The following TMPRSS15 variants were observed in gnomAD, a reference collection of about 807,000 sequenced individuals.
The protein encoded by TMPRSS15 is transmembrane serine protease 15.
TMPRSS15 carries 128 observed loss-of-function variants against 125.3 expected under a neutral mutation model. That is an observed-to-expected ratio of 1.02 (90% CI 0.89 to 1.18). TMPRSS15 has a LOEUF of 1.18. Ranked by LOEUF, TMPRSS15 falls within the 50% of genes most tolerant of loss-of-function variation. The pLI is 0.00. For missense variants in TMPRSS15, 1,283 were observed against 1,212.7 expected, an observed-to-expected ratio of 1.06 and a Z score of -0.86; for synonymous variants, 446 against 423.2, an observed-to-expected ratio of 1.05 and a Z score of -0.66.
intron 1 of TMPRSS15, among the ~76,000 whole-genome samples, chr21:18,459,153 G>A (rs1474882421): frequency 6.6e-6 from 1 of 151,964 alleles, no homozygotes; most frequent in African/African-American, 2.4e-5. Flanking sequence ...CAGCATTATG[G>A]TTGCAATAAA....
Position 18,313,065 on chromosome 21 carries a change from T to C in TMPRSS15, c.2045A>G (p.Asn682Ser), listed in dbSNP as rs2075118413. ...SDEADCVRFF[N>S]GTTNNNGLVR... Reference sequence around the variant, plus strand: ...TAAACCATTGTTGTTCGTTGTGCCATTGAAAAAACGCACTAAAGACACAGA... The same window carrying C: ...TAAACCATTGTTGTTCGTTGTGCCACTGAAAAAACGCACTAAAGACACAGA... The change falls in exon 18 of 25, where the codon AAT (asparagine) becomes AGT (serine). Residue 682 changes from asparagine (N) to serine (S), a missense_variant. Transcript: ENST00000284885. The C allele has an allele frequency of 2.5e-6, 4 of 1,613,628 alleles. No individual in the cohort carries two copies. The highest frequency in any genetic ancestry group is 2.5e-6 in the Non-Finnish European group (3 of 1,179,764).
intron 1 of TMPRSS15, among the ~76,000 whole-genome samples, chr21:18,430,483 CT>C (rs1469641258): frequency 6.6e-6 from 1 of 152,014 alleles, no homozygotes; most frequent in African/African-American, 2.4e-5. Flanking sequence ...CATTCTTTAT[CT>C]TGGTGGTGGT....
chr21:18,292,597 T>C (rs997088), intron 21 of TMPRSS15, among the ~76,000 whole-genome samples: 124,147 of 152,182 alleles, frequency 0.82, 50,761 homozygotes, highest in Non-Finnish European at 0.83. Context: ...GCCTGATTGA[T>C]GTTTAGACAG....
intron 1 of TMPRSS15, among the ~76,000 whole-genome samples, chr21:18,463,314 T>C (rs2122953828): frequency 1.6e-5 from 2 of 125,786 alleles, no homozygotes; most frequent in South Asian, 5.2e-4. Context: ...TAGTCTCTGA[T>C]AAAACAGATT....
intron 1 of TMPRSS15, among the ~76,000 whole-genome samples, chr21:18,403,085 T>G (rs1171097218): frequency 6.6e-6 from 1 of 152,220 alleles, no homozygotes; most frequent in African/African-American, 2.4e-5. Flanking sequence ...GTTTATCTAC[T>G]TACATATTCA....
At chr21:18,378,276 T>A (rs1222079772) in intron 5 of TMPRSS15, among the ~76,000 whole-genome samples, 3 of 152,152 alleles carry the variant, frequency 2.0e-5, no homozygotes, top group Non-Finnish European at 4.4e-5. Flanking sequence ...GTAAATAATT[T>A]TCCATGTTAG....
At chr21:18,406,686 G>A (rs969890171), upstream of TMPRSS15, among the ~76,000 whole-genome samples, 1 of 152,098 alleles carries the variant, frequency 6.6e-6, no homozygotes, top group Non-Finnish European at 1.5e-5. Context: ...GTCATTCATC[G>A]CTTGTCTGAG....
Position 18,275,156 on chromosome 21 carries a change from T to C in TMPRSS15, c.2904+41A>G, listed in dbSNP as rs1410711219. ...AGCAATGAAATAACTATAACACCAGTGCTTTCTGAAAAGGTACAGTGAGCA... is the reference window on the plus strand; with the variant it reads ...AGCAATGAAATAACTATAACACCAGCGCTTTCTGAAAAGGTACAGTGAGCA... On this transcript the variant is annotated intron_variant, in intron 24 of 24. Coordinates refer to ENST00000284885, the MANE Select transcript of TMPRSS15 (RefSeq NM_002772.3). The C allele has an allele frequency of 1.9e-6, 3 of 1,609,516 alleles. No homozygotes were observed. In the South Asian group the frequency reaches 3.3e-5, roughly 18 times the overall value.
At chr21:18,337,339 A>G (rs964655521) in intron 13 of TMPRSS15, among the ~76,000 whole-genome samples, 7 of 152,180 alleles carry the variant, frequency 4.6e-5, no homozygotes, top group Non-Finnish European at 7.4e-5. Context: ...CTTTTTAATT[A>G]GTTTTAAAAG....
Position 18,358,240 on chromosome 21 carries a change from T to C in TMPRSS15, c.880+1517A>G, listed in dbSNP as rs572565732. The stretch of plus-strand genomic sequence containing the variant: ...CTTATGCCTACCACTTATTCAGCCC[T>C]CAACCTCTACCAATTTAGATTTTAT... On this transcript the variant is annotated intron_variant, in intron 8 of 24. Transcript: ENST00000284885. Among the ~76,000 whole-genome samples the C allele has an allele frequency of 5.9e-3, 895 of 151,928 alleles. 13 individuals carry two copies. Among genetic ancestry groups the C allele is most frequent in the African/African-American group, 0.02 (838 of 41,522 alleles).
chr21:18,349,388 C>T (rs981842316), intron 10 of TMPRSS15, among the ~76,000 whole-genome samples: 29 of 152,144 alleles, frequency 1.9e-4, no homozygotes, highest in Non-Finnish European at 4.1e-4. Context: ...GAAGAGAGTT[C>T]TTCAGAAGGA....
intron 20 of TMPRSS15, 65 bp downstream of exon 20, chr21:18,294,538 A>G (rs999162209): frequency 6.3e-6 from 10 of 1,597,158 alleles, no homozygotes; most frequent in South Asian, 5.5e-5. Context: ...TTCAGGTGAC[A>G]TAAAACTCTA....
At chr21:18,358,694 T>C (rs1373181423) in intron 8 of TMPRSS15, among the ~76,000 whole-genome samples, 2 of 152,124 alleles carry the variant, frequency 1.3e-5, no homozygotes, top group East Asian at 3.9e-4. Context: ...CTTATGGTAA[T>C]TTAATATATT....
intron 10 of TMPRSS15, among the ~76,000 whole-genome samples, chr21:18,346,835 C>A (rs1447091711): frequency 6.6e-6 from 1 of 152,184 alleles, no homozygotes; most frequent in African/African-American, 2.4e-5. Context: ...ATCAAATTAG[C>A]CCCTTATTCA....
intron 1 of TMPRSS15, among the ~76,000 whole-genome samples, chr21:18,430,199 C>T (rs2076213602): frequency 6.6e-6 from 1 of 152,154 alleles, no homozygotes; most frequent in South Asian, 2.1e-4. Context: ...TGTATCAATG[C>T]TGGTGAATAA....
chr21:18,275,323 G>A lies in TMPRSS15; in HGVS notation c.2778C>T (p.Asn926=). The change falls in exon 24 of 25, where the codon AAC becomes AAT. Residue 926 remains asparagine, a synonymous_variant. Coordinates refer to ENST00000284885, the MANE Select transcript of TMPRSS15 (RefSeq NM_002772.3). ...GAGGAACATCAGCTTCTTGCAATAT[G>A]TTTGCAGTAGTACCTGCTCAAAATG... ...GTVVYQGTTA[N]ILQEADVPLL... 2 of 1,613,948 alleles carry A rather than the reference G, an allele frequency of 1.2e-6. No homozygotes were observed. The highest frequency in any genetic ancestry group is 1.7e-6 in the Non-Finnish European group (2 of 1,179,988).
At chr21:18,277,130 G>A (rs1241746507) in intron 23 of TMPRSS15, among the ~76,000 whole-genome samples, 1 of 152,074 alleles carries the variant, frequency 6.6e-6, no homozygotes, top group Non-Finnish European at 1.5e-5. Flanking sequence ...TAAACTACGT[G>A]AAACTTACCA....
At chr21:18,295,943 G>C (rs966625717) in intron 19 of TMPRSS15, among the ~76,000 whole-genome samples, 14 of 152,142 alleles carry the variant, frequency 9.2e-5, no homozygotes, top group African/African-American at 3.4e-4. Flanking sequence ...ACGAGGTCAG[G>C]AGATCGAGAC....
chr21:18,340,905 G>C (rs1029651083), intron 13 of TMPRSS15, among the ~76,000 whole-genome samples: 1 of 152,140 alleles, frequency 6.6e-6, no homozygotes, highest in Admixed American at 6.5e-5. Context: ...ATAACGAAGA[G>C]TGGTTTTCAT....
Sources: allele counts gnomAD v4.1 joint callset (sites outside exome capture counted in the v4.1 genomes callset), GRCh38; gene constraint gnomAD v4.1.1; transcripts MANE v1.5; gene names NCBI Gene and HGNC (gene_info 2026-07-23, HGNC 2026-07-21).